ATXN10: variants seen among roughly 807,000 people sequenced by gnomAD.
ATXN10 encodes the protein ataxin-10.
ATXN10 carries 28 observed loss-of-function variants against 52.9 expected under a neutral mutation model. The ratio of observed to expected loss-of-function variants is 0.53; its 90% CI spans 0.39 to 0.73. The LOEUF (loss-of-function observed/expected upper bound fraction) is 0.73. ATXN10 is among the 30% of genes least tolerant of loss of function. The probability of loss-of-function intolerance (pLI) is 0.00; values close to 1 mark genes in which losing one functional copy is unlikely to be tolerated. For synonymous variants in ATXN10, 226 were observed against 221.5 expected (o/e 1.02, Z -0.18); for missense variants, 565 against 577.0 (o/e 0.98, Z 0.21).
chr22:45,698,387 A>T (rs1339666491), intron 3 of ATXN10, among the ~76,000 whole-genome samples: 3 of 152,106 alleles, frequency 2.0e-5, no homozygotes, highest in African/African-American at 7.2e-5. Context: ...ATGATCACGT[A>T]CTTATTGGCC....
At chr22:45,809,367 T>C (rs1246897917) in intron 10 of ATXN10, among the ~76,000 whole-genome samples, 1 of 152,172 alleles carries the variant, frequency 6.6e-6, no homozygotes, top group Admixed American at 6.5e-5. Context: ...ATAATACACC[T>C]ATATGGGGAT....
chr22:45,711,474 A>G (rs559548659), intron 5 of ATXN10, among the ~76,000 whole-genome samples: 2 of 152,250 alleles, frequency 1.3e-5, no homozygotes, highest in South Asian at 4.1e-4. Context: ...ATTAAGTTAC[A>G]GAGAGCTAAA....
At chr22:45,724,928 T>C (rs554544093) in intron 6 of ATXN10, among the ~76,000 whole-genome samples, 91 of 152,206 alleles carry the variant, frequency 6.0e-4, no homozygotes, top group Non-Finnish European at 1.1e-3. Flanking sequence ...CCCCAGTTTA[T>C]GTTTTTGTAT....
intron 10 of ATXN10, among the ~76,000 whole-genome samples, chr22:45,807,657 A>G (rs531936249): frequency 6.6e-6 from 1 of 152,334 alleles, no homozygotes; most frequent in African/African-American, 2.4e-5. Context: ...TAGTTGTACT[A>G]TACAAAACTG....
Position 45,690,286 on chromosome 22 carries a change from A to G in ATXN10, c.308+383A>G, listed in dbSNP as rs1159186291. Among the ~76,000 whole-genome samples, 7 of 152,060 alleles carry G rather than the reference A, an allele frequency of 4.6e-5. No homozygotes were observed. The highest frequency in any genetic ancestry group is 2.4e-5 in the African/African-American group (1 of 41,400). ...GTGAGACCCTGTCTCAGGGAAAAAA[A>G]AAAAAAAAAAGTTGTTCTGGCATGA... On this transcript the variant is annotated intron_variant, in intron 2 of 11. Transcript: ENST00000252934. The surrounding 1 kb of genome is among the most constrained non-coding windows in gnomAD (Gnocchi z 4.5).
In ATXN10 at chr22:45,740,360, T is replaced by C. The variant is rs367610840; in HGVS notation, c.1004-9T>C. The C allele has an allele frequency of 2.1e-5, 34 of 1,613,726 alleles. No homozygotes were observed. The highest frequency in any genetic ancestry group is 2.9e-5 in the Non-Finnish European group (34 of 1,179,820). On this transcript the variant is annotated splice_polypyrimidine_tract_variant and intron_variant, in intron 8 of 11. Coordinates refer to ENST00000252934, the MANE Select transcript of ATXN10 (RefSeq NM_013236.4). ...CTGTGGAAAATGAAGTTTACTCTTTTGGTTATAGATCTTTTGCGGGTGATT... is the reference window on the plus strand; with the variant it reads ...CTGTGGAAAATGAAGTTTACTCTTTCGGTTATAGATCTTTTGCGGGTGATT...
chr22:45,752,720 G>T (rs997619866), intron 9 of ATXN10, among the ~76,000 whole-genome samples: 2 of 151,976 alleles, frequency 1.3e-5, no homozygotes, highest in African/African-American at 4.8e-5. Flanking sequence ...GGATTATTTT[G>T]TGGTTCTTTT....
At chr22:45,738,462 CT>C (rs34010274) in intron 7 of ATXN10, 1 of 399,036 alleles carries the variant, frequency 2.5e-6, no homozygotes, top group South Asian at 3.1e-5. Flanking sequence ...TGAATAAGAA[CT>C]TTTCTGACTC....
intron 9 of ATXN10, among the ~76,000 whole-genome samples, chr22:45,791,097 C>T (rs1275905490): frequency 6.6e-6 from 1 of 152,158 alleles, no homozygotes; most frequent in Non-Finnish European, 1.5e-5. Flanking sequence ...GGCCTCAAGC[C>T]AGCCTCCCTC....
intron 9 of ATXN10, among the ~76,000 whole-genome samples, chr22:45,778,780 A>G (rs1044239014): frequency 2.0e-5 from 3 of 152,254 alleles, no homozygotes; most frequent in Admixed American, 6.5e-5. Context: ...CATGGAAAAG[A>G]TGAGAATGGG....
At chr22:45,740,995 G>T (rs188521977) in intron 9 of ATXN10, among the ~76,000 whole-genome samples, 224 of 152,210 alleles carry the variant, frequency 1.5e-3, no homozygotes, top group African/African-American at 4.8e-3. Flanking sequence ...CTAGTAGGCT[G>T]CTTTTAGAAA....
Position 45,837,807 on chromosome 22 carries a change from C to G in ATXN10, c.1238-5184C>G, listed in dbSNP as rs1485070946. 6.6e-6 allele frequency among the ~76,000 whole-genome samples: 1 copy of G among 152,212 alleles called. No individual in the cohort carries two copies. The highest frequency in any genetic ancestry group is 2.4e-5 in the African/African-American group (1 of 41,466). ...TACGGACATTTGAATTTCAAATTTT[C>G]ATGTGCCAGAAATCAGTATTCTTTA... On this transcript the variant is annotated intron_variant, in intron 10 of 11. Coordinates refer to ENST00000252934, the MANE Select transcript of ATXN10 (RefSeq NM_013236.4). The surrounding 1 kb of genome is among the most constrained non-coding windows in gnomAD (Gnocchi z 5.8).
intron 10 of ATXN10, among the ~76,000 whole-genome samples, chr22:45,829,240 A>G (rs1928912439): frequency 6.6e-6 from 1 of 152,206 alleles, no homozygotes; most frequent in African/African-American, 2.4e-5. Flanking sequence ...AATAAAAGCC[A>G]GGAAAACCCA....
intron 9 of ATXN10, among the ~76,000 whole-genome samples, chr22:45,797,042 T>G (rs544971861): frequency 5.9e-5 from 9 of 152,308 alleles, no homozygotes; most frequent in Non-Finnish European, 8.8e-5. Flanking sequence ...CATAATAGCC[T>G]AAACATACAT....
rs1274832378 is a variant in ATXN10, at chr22:45,744,006, G to A, written c.1173+3468G>A. On this transcript the variant is annotated intron_variant, in intron 9 of 11. Transcript: ENST00000252934. This position sits in a 1 kb window ranked among gnomAD's most constrained non-coding sequence, Gnocchi z 4.9. ...AGGCTGGTCAGTCTGCGTCTCCTAG[G>A]CCAGCCAGGCCCCTTAGACTCCCTC... 1.3e-5 allele frequency among the ~76,000 whole-genome samples: 2 copies of A among 152,048 alleles called. No homozygotes were observed. Among genetic ancestry groups the A allele is most frequent in the Non-Finnish European group, 2.9e-5 (2 of 68,000 alleles).
rs1928880039 is a variant in ATXN10 at position 45,828,214 on chromosome 22, A to G, written c.1238-14777A>G. ...AAAAACTTTAAAAAAGAAAAAAAAA[A>G]GAAGAAAAAAATATTTAGAGACAAA... On this transcript the variant is annotated intron_variant, in intron 10 of 11. Coordinates refer to ENST00000252934, the MANE Select transcript of ATXN10 (RefSeq NM_013236.4). This position sits in a 1 kb window ranked among gnomAD's most constrained non-coding sequence, Gnocchi z 4.5. Among the ~76,000 whole-genome samples, 1 of 148,504 alleles carries G rather than the reference A, an allele frequency of 6.7e-6. No individual in the cohort carries two copies. Among genetic ancestry groups the G allele is most frequent in the African/African-American group, 2.5e-5 (1 of 40,344 alleles).
rs1163309139 is a variant in ATXN10 at position 45,732,261 on chromosome 22, C to G, written c.894+2671C>G. Among the ~76,000 whole-genome samples, 1 of 151,772 alleles carries G rather than the reference C, an allele frequency of 6.6e-6. No homozygotes were observed. Among genetic ancestry groups the G allele is most frequent in the Non-Finnish European group, 1.5e-5 (1 of 67,976 alleles). On this transcript the variant is annotated intron_variant, in intron 7 of 11. Transcript: ENST00000252934. The surrounding 1 kb of genome is among the most constrained non-coding windows in gnomAD (Gnocchi z 4.5). ...TTAAGCCCAGGAGTTGGAGACCAGC[C>G]TGGGCAACATAAGGAGACTCCATCT...
Position 45,688,066 on chromosome 22 carries a change from G to C in ATXN10, c.117-1646G>C, listed in dbSNP as rs548545409. ...GAGCAAAACTCCGTCTCAAAAAAAA[G>C]AGTGTTAGTGAGTATTCTTCCATTC... On this transcript the variant is annotated intron_variant, in intron 1 of 11. Coordinates refer to ENST00000252934, the MANE Select transcript of ATXN10 (RefSeq NM_013236.4). The surrounding 1 kb of genome is among the most constrained non-coding windows in gnomAD (Gnocchi z 4.0). Among the ~76,000 whole-genome samples, 1 of 152,224 alleles carries C rather than the reference G, an allele frequency of 6.6e-6. No individual in the cohort carries two copies. Among genetic ancestry groups the C allele is most frequent in the South Asian group, 2.1e-4 (1 of 4,824 alleles).
chr22:45,832,324 T>A (rs1420486504), intron 10 of ATXN10, among the ~76,000 whole-genome samples: 1 of 152,240 alleles, frequency 6.6e-6, no homozygotes, highest in Non-Finnish European at 1.5e-5. Context: ...GTTTTTCTCA[T>A]CAGTGTTCCT....
Sources: allele counts gnomAD v4.1 joint callset (sites outside exome capture counted in the v4.1 genomes callset), GRCh38; gene constraint gnomAD v4.1.1; non-coding constraint Gnocchi (gnomAD v3.1); transcripts MANE v1.5; gene names NCBI Gene and HGNC (gene_info 2026-07-23, HGNC 2026-07-21).